FHOD3: variants seen among roughly 807,000 people sequenced by gnomAD.
The protein encoded by FHOD3 is formin homology 2 domain containing 3.
In FHOD3, 90 loss-of-function variants were observed where a neutral mutation model predicts 173.0. That is an observed-to-expected ratio of 0.52 (90% CI 0.44 to 0.62). The LOEUF (loss-of-function observed/expected upper bound fraction) is 0.62, where lower values mean the gene tolerates loss of function less well. Ranked by LOEUF, FHOD3 falls within the 20% of genes least tolerant of loss-of-function variation. FHOD3 has a pLI of 0.00. For missense variants in FHOD3, 1,945 were observed against 2,034.7 expected (o/e 0.96, Z 0.85); for synonymous variants, 828 against 823.0 (o/e 1.01, Z -0.10).
intron 3 of FHOD3, among the ~76,000 whole-genome samples, chr18:36,487,532 G>C (rs376150188): frequency 6.6e-5 from 10 of 152,254 alleles, no homozygotes; most frequent in East Asian, 1.9e-4. Context: ...GATGACAGAG[G>C]GAAATGGTCA....
intron 11 of FHOD3, among the ~76,000 whole-genome samples, chr18:36,652,213 A>G (rs1391494763): frequency 3.9e-5 from 6 of 152,248 alleles, no homozygotes; most frequent in African/African-American, 1.4e-4. Flanking sequence ...TTCAGATGCC[A>G]ACACCAGCAG....
intron 5 of FHOD3, among the ~76,000 whole-genome samples, chr18:36,571,605 C>T (rs1016364322): frequency 6.6e-6 from 1 of 152,164 alleles, no homozygotes; most frequent in African/African-American, 2.4e-5. Flanking sequence ...AATCATACTA[C>T]CTGATTTTAA....
rs376143428 is a variant in FHOD3, at chr18:36,515,249, G to A, written c.511+2706G>A. Among the ~76,000 whole-genome samples the A allele has an allele frequency of 1.6e-4, 25 of 152,124 alleles. No homozygotes were observed. The South Asian group carries it at 2.9e-3, about 18-fold the overall frequency. On this transcript the variant is annotated intron_variant, in intron 5 of 28. Coordinates refer to ENST00000590592, the MANE Select transcript of FHOD3 (RefSeq NM_001281740.3). ...TTTATTTATTTTGAGACAGAGTCTC[G>A]CTCTGTCACCCAGGCTGGAGTACAG...
chr18:36,395,014 A>T (rs569337804), intron 3 of FHOD3, among the ~76,000 whole-genome samples: 1 of 152,328 alleles, frequency 6.6e-6, no homozygotes, highest in East Asian at 1.9e-4. Context: ...CTACCCCTAC[A>T]TGTCCAGGTT....
chr18:36,605,262 T>G (rs572748007), intron 8 of FHOD3, among the ~76,000 whole-genome samples: 1 of 152,354 alleles, frequency 6.6e-6, no homozygotes, highest in South Asian at 2.1e-4. Flanking sequence ...ACTGCCACAG[T>G]GTTCCCCATT....
At chr18:36,390,020 G>C (rs1175706332) in intron 3 of FHOD3, among the ~76,000 whole-genome samples, 1 of 152,198 alleles carries the variant, frequency 6.6e-6, no homozygotes, top group Admixed American at 6.5e-5. Flanking sequence ...TCCATCTGCT[G>C]TGCCTGTTTT....
chr18:36,454,398 CAG>C (rs1356081146), intron 3 of FHOD3, among the ~76,000 whole-genome samples: 2 of 152,184 alleles, frequency 1.3e-5, no homozygotes, highest in African/African-American at 4.8e-5. Context: ...GGCATACACA[CAG>C]GCATTCATCA....
At chr18:36,700,585 G>C (rs1278237064) in intron 17 of FHOD3, among the ~76,000 whole-genome samples, 1 of 151,798 alleles carries the variant, frequency 6.6e-6, no homozygotes, top group Non-Finnish European at 1.5e-5. Flanking sequence ...CGTTAGTCCT[G>C]GCCTCAACCA....
intron 3 of FHOD3, among the ~76,000 whole-genome samples, chr18:36,399,600 G>A (rs2048709238): frequency 6.6e-6 from 1 of 152,170 alleles, no homozygotes; most frequent in Non-Finnish European, 1.5e-5. Context: ...ACCCCAGGCT[G>A]CCCTTGGGGC....
intron 16 of FHOD3, among the ~76,000 whole-genome samples, chr18:36,688,065 A>G (rs1386175517): frequency 1.3e-5 from 2 of 152,250 alleles, no homozygotes; most frequent in Non-Finnish European, 2.9e-5. Context: ...GTATATTTCA[A>G]TGGCAACATG....
intron 18 of FHOD3, among the ~76,000 whole-genome samples, chr18:36,713,799 T>TA (rs1327995862): frequency 1.3e-5 from 2 of 151,462 alleles, no homozygotes; most frequent in South Asian, 2.1e-4. Context: ...TTTGTTAAAG[T>TA]AAAAAAAAGT....
intron 3 of FHOD3, among the ~76,000 whole-genome samples, chr18:36,479,057 G>T (rs921285940): frequency 1.3e-5 from 2 of 152,182 alleles, no homozygotes; most frequent in African/African-American, 4.8e-5. Context: ...AGGTTCTTTT[G>T]CATCTCTTCG....
chr18:36,391,394 C>CAGGG (rs1384503848), intron 3 of FHOD3, among the ~76,000 whole-genome samples: 1 of 152,096 alleles, frequency 6.6e-6, no homozygotes, highest in Non-Finnish European at 1.5e-5. Flanking sequence ...GGAGTCCAGA[C>CAGGG]AGGGATCCCT....
intron 8 of FHOD3, among the ~76,000 whole-genome samples, chr18:36,608,556 A>G (rs560580928): frequency 2.0e-5 from 3 of 152,318 alleles, no homozygotes; most frequent in African/African-American, 7.2e-5. Context: ...ATATAGCTAT[A>G]TGAGTTTTAA....
chr18:36,450,356 G>C (rs886963683), intron 3 of FHOD3, among the ~76,000 whole-genome samples: 22 of 152,300 alleles, frequency 1.4e-4, no homozygotes, highest in African/African-American at 4.8e-4. Context: ...GCATGCAGGG[G>C]CTCTGAGGTC....
At chr18:36,619,062 G>T (rs1440618273) in intron 9 of FHOD3, among the ~76,000 whole-genome samples, 1 of 152,140 alleles carries the variant, frequency 6.6e-6, no homozygotes, top group Non-Finnish European at 1.5e-5. Context: ...GGGACCCAAG[G>T]CTGCTTGCCT....
chr18:36,458,824 T>G (rs1037413727), intron 3 of FHOD3, among the ~76,000 whole-genome samples: 1 of 152,184 alleles, frequency 6.6e-6, no homozygotes, highest in Non-Finnish European at 1.5e-5. Flanking sequence ...TTTAGTACTT[T>G]CCAGCCTAGA....
In FHOD3 at chr18:36,553,030, G is replaced by T. The variant is rs375686498; in HGVS notation, c.512-23421G>T. On this transcript the variant is annotated intron_variant, in intron 5 of 28. Coordinates refer to ENST00000590592, the MANE Select transcript of FHOD3 (RefSeq NM_001281740.3). ...TTTATTGAGAGTTTTTAGCATGAAG[G>T]GTTGTTGAATTTTGTCAAAGGCCTT... Among the ~76,000 whole-genome samples, 188 of 150,634 alleles carry T rather than the reference G, an allele frequency of 1.2e-3. 1 individual carries two copies. Among genetic ancestry groups the T allele is most frequent in the African/African-American group, 4.4e-3 (177 of 40,046 alleles).
chr18:36,531,551 G>A (rs1049621472), intron 5 of FHOD3, among the ~76,000 whole-genome samples: 7 of 152,106 alleles, frequency 4.6e-5, no homozygotes, highest in Non-Finnish European at 1.0e-4. Flanking sequence ...GCTCAACTGG[G>A]CTCATCTGGA....
Sources: allele counts gnomAD v4.1 joint callset (sites outside exome capture counted in the v4.1 genomes callset), GRCh38; gene constraint gnomAD v4.1.1; transcripts MANE v1.5; gene names NCBI Gene and HGNC (gene_info 2026-07-23, HGNC 2026-07-21).